WDFY3: variants seen among roughly 807,000 people sequenced by gnomAD.
WDFY3 encodes the protein WD repeat and FYVE domain containing 3, also known as WD repeat and FYVE domain-containing protein 3.
In WDFY3, 66 loss-of-function variants were observed where a neutral mutation model predicts 409.6. That is an observed-to-expected ratio of 0.16 (90% CI 0.13 to 0.20). WDFY3 has a LOEUF of 0.20. Among genes scored for constraint, WDFY3 ranks in the 10% least tolerant of loss-of-function variants. The probability of loss-of-function intolerance (pLI) is 1.00; values close to 1 mark genes in which losing one functional copy is unlikely to be tolerated. For synonymous variants in WDFY3, 1,521 were observed against 1,537.1 expected, an observed-to-expected ratio of 0.99 and a Z score of 0.25; for missense variants, 3,031 against 4,298.1, an observed-to-expected ratio of 0.71 and a Z score of 8.24.
intron 2 of WDFY3, among the ~76,000 whole-genome samples, chr4:84,930,382 A>G (rs887990529): frequency 1.3e-5 from 2 of 152,198 alleles, no homozygotes; most frequent in South Asian, 4.1e-4. Flanking sequence ...ATTGATGATG[A>G]TAATAATAAT....
chr4:84,965,480 C>T (rs570767598), intron 1 of WDFY3, among the ~76,000 whole-genome samples: 1 of 152,278 alleles, frequency 6.6e-6, no homozygotes, highest in South Asian at 2.1e-4. Context: ...GCAGATCTCA[C>T]AATTAAATGG....
rs1730424579 is a variant in WDFY3 at position 84,698,052 on chromosome 4, C to T, written c.8597-1229G>A. Among the ~76,000 whole-genome samples the T allele has an allele frequency of 2.0e-5, 3 of 152,136 alleles. No individual in the cohort carries two copies. The South Asian group carries it at 6.2e-4, about 32-fold the overall frequency. ...CCTTCCTCCTCAACCACACACACTG[C>T]ACGCTGTCTGTTGAATCTCCCTGAA... is the stretch of plus-strand genomic sequence containing the variant. On this transcript the variant is annotated intron_variant, in intron 56 of 67. Transcript: ENST00000295888.
intron 1 of WDFY3, among the ~76,000 whole-genome samples, chr4:84,950,953 A>G (rs1283104007): frequency 6.6e-6 from 1 of 152,228 alleles, no homozygotes; most frequent in Non-Finnish European, 1.5e-5. Flanking sequence ...GCCTTACCCT[A>G]AGGAGACAAA....
At chr4:84,698,743 G>A (rs1039994304) in intron 56 of WDFY3, among the ~76,000 whole-genome samples, 2 of 152,104 alleles carry the variant, frequency 1.3e-5, no homozygotes, top group Non-Finnish European at 2.9e-5. Flanking sequence ...GCCCAGGCTG[G>A]AGTGCAGTGG....
rs1732479390 is a variant in WDFY3, at chr4:84,709,160, T to C, written c.8098-132A>G. 1.5e-5 allele frequency: 22 copies of C among 1,433,022 alleles called. No homozygotes were observed. In the South Asian group the frequency reaches 3.0e-4, roughly 20 times the overall value. The allele number at this position is 1,433,022 out of a possible 1,614,324, so 88.8% of individuals were successfully genotyped here. ...GATTTCAGAACAATGAAATACTTTT[T>C]TTTCTAAAAAGAATGAAAATAAAAC... On this transcript the variant is annotated intron_variant, in intron 52 of 67. Coordinates refer to ENST00000295888, the MANE Select transcript of WDFY3 (RefSeq NM_014991.6).
At chr4:84,782,281 G>C (rs1387541166) in intron 25 of WDFY3, among the ~76,000 whole-genome samples, 1 of 151,938 alleles carries the variant, frequency 6.6e-6, no homozygotes, top group Non-Finnish European at 1.5e-5. Flanking sequence ...TTTGATACCT[G>C]TCACTAAATG....
chr4:84,778,225 A>G (rs537218990), intron 27 of WDFY3, among the ~76,000 whole-genome samples: 1 of 152,288 alleles, frequency 6.6e-6, no homozygotes, highest in South Asian at 2.1e-4. Flanking sequence ...TGATGAAACT[A>G]TGTTTGACTC....
chr4:84,673,067 G>C, intron 67 of WDFY3, 76 bp from the exon 68 acceptor site: 1 of 1,586,734 alleles, frequency 6.3e-7, no homozygotes, highest in Non-Finnish European at 8.6e-7. Context: ...ATTAATAATC[G>C]AATGGAAAGC....
At chr4:84,825,029 C>T (rs1357611115) in intron 10 of WDFY3, among the ~76,000 whole-genome samples, 1 of 152,078 alleles carries the variant, frequency 6.6e-6, no homozygotes, top group African/African-American at 2.4e-5. Context: ...TCTAGATAGC[C>T]TTACTTTCAT....
intron 21 of WDFY3, among the ~76,000 whole-genome samples, chr4:84,791,331 A>G (rs1453398737): frequency 6.6e-6 from 1 of 152,200 alleles, no homozygotes; most frequent in Non-Finnish European, 1.5e-5. Flanking sequence ...CTCCACTTAT[A>G]TGAGGTATTT....
intron 1 of WDFY3, among the ~76,000 whole-genome samples, chr4:84,941,164 T>G (rs1772068195): frequency 6.6e-6 from 1 of 151,870 alleles, no homozygotes; most frequent in Non-Finnish European, 1.5e-5. Context: ...AAAAATGGAA[T>G]GGAAGAAGTA....
At chr4:84,709,422 T>G (rs1365198561) in intron 51 of WDFY3, 75 bp from the exon 52 acceptor site, 3 of 1,329,264 alleles carry the variant, frequency 2.3e-6, no homozygotes, top group Non-Finnish European at 3.1e-6. Context: ...GTTGAAAAAT[T>G]TAAGTCACCT....
chr4:84,850,331 T>TG (rs113642119), intron 4 of WDFY3, among the ~76,000 whole-genome samples: 61,586 of 150,592 alleles, frequency 0.41, 12,737 homozygotes, highest in East Asian at 0.49. Context: ...TTCTTTTTTT[T>TG]TGGGGGGGAC....
chr4:84,926,666 A>G (rs1770034380), intron 2 of WDFY3, among the ~76,000 whole-genome samples: 1 of 152,208 alleles, frequency 6.6e-6, no homozygotes, highest in Non-Finnish European at 1.5e-5. Flanking sequence ...TCTAAAGCCT[A>G]AAATCTAGTC....
intron 2 of WDFY3, among the ~76,000 whole-genome samples, chr4:84,914,229 G>C (rs1278247004): frequency 6.6e-6 from 1 of 152,028 alleles, no homozygotes; most frequent in African/African-American, 2.4e-5. Flanking sequence ...AGACCAGCCT[G>C]GCCAACATAG....
intron 1 of WDFY3, chr4:84,965,735 G>A (rs1204505801): frequency 1.3e-5 from 2 of 152,478 alleles, no homozygotes; most frequent in East Asian, 1.9e-4. Context: ...GGCCGCGCTC[G>A]GCTGCGCTCA....
At chr4:84,673,016 AT>A (rs1725667731) in intron 67 of WDFY3, 25 bp from the exon 68 acceptor site, 1 of 1,613,194 alleles carries the variant, frequency 6.2e-7, no homozygotes, top group African/African-American at 1.3e-5. Flanking sequence ...AAGTCAATTA[AT>A]TATAGGTCTT....
At chr4:84,771,000 T>C (rs1006797901) in intron 30 of WDFY3, among the ~76,000 whole-genome samples, 3 of 152,298 alleles carry the variant, frequency 2.0e-5, no homozygotes, top group Admixed American at 6.5e-5. Flanking sequence ...ACTTGGCATA[T>C]CAAAAGAAAA....
chr4:84,896,507 A>AT (rs983550487), intron 3 of WDFY3, among the ~76,000 whole-genome samples: 14 of 152,012 alleles, frequency 9.2e-5, no homozygotes, highest in Admixed American at 7.2e-4. Context: ...GCCATTAAGA[A>AT]TTTTTTTTGA....
Sources: allele counts gnomAD v4.1 joint callset (sites outside exome capture counted in the v4.1 genomes callset), GRCh38; gene constraint gnomAD v4.1.1; transcripts MANE v1.5; gene names NCBI Gene and HGNC (gene_info 2026-07-23, HGNC 2026-07-21).